The following LONRF1 variants were observed in gnomAD, a reference collection of about 807,000 sequenced individuals.
LONRF1 encodes the protein LON peptidase N-terminal domain and ring finger 1, also known as LON peptidase N-terminal domain and RING finger protein 1.
A neutral mutation model predicts 85.8 loss-of-function variants in LONRF1; 37 were observed. The ratio of observed to expected loss-of-function variants is 0.43; its 90% CI spans 0.33 to 0.57. The LOEUF is 0.57. LONRF1 is among the 20% of genes least tolerant of loss of function. The probability of loss-of-function intolerance (pLI) is 0.04; values close to 1 mark genes in which losing one functional copy is unlikely to be tolerated. For missense variants in LONRF1, 1,036 were observed against 978.0 expected (o/e 1.06, Z -0.79); for synonymous variants, 517 against 390.1 (o/e 1.33, Z -3.83).
chr8:12,737,990 C>T lies in LONRF1; in HGVS notation c.1113+5G>A. The T allele has an allele frequency of 6.2e-7, 1 of 1,600,038 alleles. No individual in the cohort carries two copies. Among genetic ancestry groups the T allele is most frequent in the South Asian group, 1.2e-5 (1 of 86,484 alleles). ...AACTCATGATAACCTTGTCTCACCC[C>T]GTACCTGCTTTGGGCTAGGTTCATT... On this transcript the variant is annotated splice_donor_5th_base_variant and intron_variant, in intron 4 of 11. Transcript: ENST00000398246.
In LONRF1 at chr8:12,722,513, T is replaced by C. The variant is rs1275257755; in HGVS notation, c.*583A>G. On this transcript the variant is annotated 3_prime_UTR_variant, in exon 12 of 12. Transcript: ENST00000398246. ...AAATAAGAAACTGTGTCATAGTCAA[T>C]GGTCAAGACAGTTCAGCAAGAGCAG... The C allele has an allele frequency of 6.5e-6, 1 of 152,674 alleles. No homozygotes were observed. Among genetic ancestry groups the C allele is most frequent in the Non-Finnish European group, 1.5e-5 (1 of 68,068 alleles). 9.5% of individuals were successfully genotyped at this position (152,674 alleles called of 1,614,324 possible).
At chr8:12,728,690 G>T (rs752154777) in intron 10 of LONRF1, among the ~76,000 whole-genome samples, 1 of 152,208 alleles carries the variant, frequency 6.6e-6, no homozygotes, top group Non-Finnish European at 1.5e-5. Flanking sequence ...GAAATAAAGA[G>T]AATCTATGTT....
chr8:12,755,512 G>A lies in LONRF1; in HGVS notation c.-92C>T, dbSNP rs1427598916. The stretch of plus-strand genomic sequence containing the variant: ...CCGCACGCGGCCCGCGAGCAGGGGG[G>A]CGTGGCGCGCGGACACGGCGGGGCT... On this transcript the variant is annotated 5_prime_UTR_variant, in exon 1 of 12. Transcript: ENST00000398246. 3.5e-6 allele frequency: 2 copies of A among 579,694 alleles called. No homozygotes were observed. 35.9% of individuals were successfully genotyped at this position (579,694 alleles called of 1,614,324 possible). A position where few individuals can be genotyped will look rare whatever the true frequency, so the allele number is the denominator to read the frequency against.
chr8:12,753,390 G>T (rs1448231381), intron 1 of LONRF1: 1 of 152,062 alleles, frequency 6.6e-6, no homozygotes, highest in Non-Finnish European at 1.5e-5. Context: ...GTTTTCTTGG[G>T]GATTATTCCC....
intron 10 of LONRF1, among the ~76,000 whole-genome samples, chr8:12,726,452 T>G (rs951977856): frequency 1.3e-5 from 2 of 152,206 alleles, no homozygotes; most frequent in Non-Finnish European, 1.5e-5. Context: ...TACACAATGA[T>G]GAGCTTCTGC....
At chr8:12,723,552 C>T (rs774456568) in intron 11 of LONRF1, among the ~76,000 whole-genome samples, 26 of 152,218 alleles carry the variant, frequency 1.7e-4, no homozygotes, top group Non-Finnish European at 3.1e-4. Context: ...GCTTCTCGAC[C>T]TCAGGCTACT....
intron 7 of LONRF1, among the ~76,000 whole-genome samples, chr8:12,733,055 C>T (rs1798587549): frequency 6.6e-6 from 1 of 152,008 alleles, no homozygotes; most frequent in African/African-American, 2.4e-5. Context: ...ACTACTGAGC[C>T]CCACGCCAGA....
intron 1 of LONRF1, among the ~76,000 whole-genome samples, chr8:12,743,789 G>C (rs934090784): frequency 1.3e-5 from 2 of 152,096 alleles, no homozygotes; most frequent in Non-Finnish European, 2.9e-5. Context: ...TGATTCTGGA[G>C]GAAATGGGTT....
chr8:12,746,137 A>C (rs1799143586), intron 1 of LONRF1, among the ~76,000 whole-genome samples: 1 of 152,148 alleles, frequency 6.6e-6, no homozygotes. Context: ...TCCTATCTCT[A>C]GTAATCCTGG....
chr8:12,738,226 A>G, intron 3 of LONRF1, 82 bp from the exon 4 acceptor site: 1 of 938,832 alleles, frequency 1.1e-6, no homozygotes, highest in Non-Finnish European at 1.5e-6. Context: ...CTAATAAAGA[A>G]TATGTAGAAA....
At chr8:12,746,152 G>T (rs1456455346) in intron 1 of LONRF1, among the ~76,000 whole-genome samples, 1 of 152,100 alleles carries the variant, frequency 6.6e-6, no homozygotes, top group Non-Finnish European at 1.5e-5. Context: ...TCCTGGGTTA[G>T]GCTCCCCAAA....
intron 10 of LONRF1, among the ~76,000 whole-genome samples, chr8:12,728,279 T>C (rs1050224428): frequency 6.6e-6 from 1 of 152,152 alleles, no homozygotes; most frequent in Non-Finnish European, 1.5e-5. Context: ...ATTAACCCTA[T>C]TCTAGAAAGA....
At chr8:12,729,153 T>G (rs764139157) in intron 9 of LONRF1, 21 bp downstream of exon 9, 1 of 1,613,504 alleles carries the variant, frequency 6.2e-7, no homozygotes, top group Non-Finnish European at 8.5e-7. Flanking sequence ...ATACAAATAT[T>G]TAGGTTCACA....
At chr8:12,751,294 A>ATGTTTTTTGTTTGTT (rs1799377723) in intron 1 of LONRF1, among the ~76,000 whole-genome samples, 6 of 84,810 alleles carry the variant, frequency 7.1e-5, no homozygotes, top group Non-Finnish European at 1.1e-4. Flanking sequence ...TTTTATTTTT[A>ATGTTTTTTGTTTGTT]TGTTTTTTTT....
chr8:12,726,673 C>T (rs1798320173), intron 10 of LONRF1, among the ~76,000 whole-genome samples: 1 of 152,212 alleles, frequency 6.6e-6, no homozygotes, highest in Admixed American at 6.5e-5. Context: ...CCACTTGCTA[C>T]TTGCCAGGTC....
chr8:12,731,956 T>C (rs1798544654), intron 7 of LONRF1, 99 bp from the exon 8 acceptor site: 6 of 1,105,538 alleles, frequency 5.4e-6, no homozygotes, highest in African/African-American at 3.2e-5. Flanking sequence ...ATTACATACT[T>C]ATACCATCAA....
chr8:12,750,356 C>T (rs1475601835), intron 1 of LONRF1, among the ~76,000 whole-genome samples: 1 of 152,176 alleles, frequency 6.6e-6, no homozygotes, highest in Non-Finnish European at 1.5e-5. Context: ...TCCAAGACTC[C>T]CACGGATGCC....
rs565611628 is a variant in LONRF1 at position 12,755,468 on chromosome 8, G to A, written c.-48C>T. ...CGCCGCCCGCCGCCACGGTCCCGGAGCCTCCCGGGCGCGCGGCTCCGCACG... is the reference window on the plus strand; with the variant it reads ...CGCCGCCCGCCGCCACGGTCCCGGAACCTCCCGGGCGCGCGGCTCCGCACG... On this transcript the variant is annotated 5_prime_UTR_variant, in exon 1 of 12. Coordinates refer to ENST00000398246, the MANE Select transcript of LONRF1 (RefSeq NM_152271.5). 6.3e-3 allele frequency: 6,569 copies of A among 1,035,996 alleles called. 20 individuals are homozygous for A. The highest frequency in any genetic ancestry group is 7.3e-3 in the Non-Finnish European group (6,245 of 852,110). 64.2% of individuals were successfully genotyped at this position (1,035,996 alleles called of 1,614,324 possible).
intron 3 of LONRF1, among the ~76,000 whole-genome samples, chr8:12,739,044 C>T (rs992938982): frequency 5.3e-5 from 8 of 152,024 alleles, no homozygotes; most frequent in Non-Finnish European, 1.2e-4. Flanking sequence ...ATTTAAAAAT[C>T]TGTATATACA....
Sources: allele counts gnomAD v4.1 joint callset (sites outside exome capture counted in the v4.1 genomes callset), GRCh38; gene constraint gnomAD v4.1.1; transcripts MANE v1.5; gene names NCBI Gene and HGNC (gene_info 2026-07-23, HGNC 2026-07-21).